AGBL1: variants seen among roughly 807,000 people sequenced by gnomAD.
The protein encoded by AGBL1 is AGBL carboxypeptidase 1, also known as cytosolic carboxypeptidase 4.
AGBL1 carries 130 observed loss-of-function variants against 118.9 expected under a neutral mutation model. The observed-to-expected ratio is 1.09, with a 90% CI of 0.95 to 1.26. The LOEUF is 1.26. Ranked by LOEUF, AGBL1 falls within the 50% of genes most tolerant of loss-of-function variation. The pLI is 0.00. For synonymous variants in AGBL1, 555 were observed against 478.9 expected (o/e 1.16, Z -2.08); for missense variants, 1,584 against 1,298.1 (o/e 1.22, Z -3.38).
intron 22 of AGBL1, among the ~76,000 whole-genome samples, chr15:86,726,372 C>A (rs1007309848): frequency 3.3e-5 from 5 of 152,156 alleles, no homozygotes; most frequent in Non-Finnish European, 1.5e-5. Context: ...ACCTCAGAGT[C>A]AGGCATAACT....
chr15:86,086,390 G>A (rs1244016398), intron 1 of AGBL1: 1 of 152,152 alleles, frequency 6.6e-6, no homozygotes, highest in African/African-American at 2.4e-5. Flanking sequence ...TAAAGAAAGT[G>A]GAGGGTTTGT....
At chr15:86,700,095 A>C (rs4887499) in intron 22 of AGBL1, among the ~76,000 whole-genome samples, 4 of 151,588 alleles carry the variant, frequency 2.6e-5, no homozygotes, top group African/African-American at 7.3e-5. Flanking sequence ...TATGGATTCA[A>C]GGATTACTCT....
chr15:86,249,196 G>A (rs1419984568), intron 7 of AGBL1, among the ~76,000 whole-genome samples: 2 of 152,034 alleles, frequency 1.3e-5, no homozygotes, highest in Non-Finnish European at 2.9e-5. Flanking sequence ...TGGGGCCAAG[G>A]CAGCCATGTT....
intron 17 of AGBL1, among the ~76,000 whole-genome samples, chr15:86,322,780 G>A (rs1228429695): frequency 6.6e-6 from 1 of 152,156 alleles, no homozygotes; most frequent in African/African-American, 2.4e-5. Flanking sequence ...CATTAGTAGT[G>A]TGCATTTGTA....
intron 22 of AGBL1, among the ~76,000 whole-genome samples, chr15:86,899,813 T>C (rs192468855): frequency 6.4e-4 from 98 of 152,238 alleles, no homozygotes; most frequent in African/African-American, 2.2e-3. Flanking sequence ...GTTAACTTGA[T>C]TGGATTGAAG....
At position 86,565,148 on chromosome 15, in the gene AGBL1, G is replaced by C. The variant is rs536073416; in HGVS notation, c.2994+10611G>C. Among the ~76,000 whole-genome samples the C allele has an allele frequency of 2.6e-5, 4 of 152,352 alleles. No individual in the cohort carries two copies. In the East Asian group the frequency reaches 7.7e-4, roughly 29 times the overall value. ...TCTCAAATCGTCAAAGTCATTCTCTGTCCAGCTTTGTTCCATTGCTGGCGA... is the reference window on the plus strand; with the variant it reads ...TCTCAAATCGTCAAAGTCATTCTCTCTCCAGCTTTGTTCCATTGCTGGCGA... On this transcript the variant is annotated intron_variant, in intron 21 of 22. Coordinates refer to ENST00000614907, the MANE Select transcript of AGBL1 (RefSeq NM_001386094.1).
chr15:86,646,745 C>CTTG (rs1357683491), intron 21 of AGBL1, among the ~76,000 whole-genome samples: 1 of 152,126 alleles, frequency 6.6e-6, no homozygotes, highest in African/African-American at 2.4e-5. Flanking sequence ...GTCCTATGAC[C>CTTG]TTGATCACAT....
At chr15:86,680,548 C>G (rs1338835213) in intron 22 of AGBL1, among the ~76,000 whole-genome samples, 1 of 127,016 alleles carries the variant, frequency 7.9e-6, no homozygotes, top group Non-Finnish European at 1.7e-5. Flanking sequence ...TTTCTTTTTT[C>G]TTTCTTTCTT....
intron 22 of AGBL1, among the ~76,000 whole-genome samples, chr15:86,887,341 C>T (rs967504618): frequency 6.6e-6 from 1 of 152,144 alleles, no homozygotes; most frequent in African/African-American, 2.4e-5. Context: ...TTATAGACCT[C>T]AATTCTAAGG....
chr15:86,582,845 A>G (rs2084189685), intron 21 of AGBL1, among the ~76,000 whole-genome samples: 1 of 130,498 alleles, frequency 7.7e-6, no homozygotes, highest in Admixed American at 8.4e-5. Flanking sequence ...GGAACATCAC[A>G]CACCGGAGAC....
At chr15:86,485,880 C>A (rs1038895470) in intron 18 of AGBL1, among the ~76,000 whole-genome samples, 1 of 152,098 alleles carries the variant, frequency 6.6e-6, no homozygotes, top group African/African-American at 2.4e-5. Flanking sequence ...TGAAATCACA[C>A]CCAAAGCTCT....
chr15:86,674,049 A>T (rs1288819934), intron 21 of AGBL1, among the ~76,000 whole-genome samples: 1 of 152,056 alleles, frequency 6.6e-6, no homozygotes, highest in African/African-American at 2.4e-5. Context: ...CATTATTGTC[A>T]TGGGGGTACT....
At position 86,224,911 on chromosome 15, in the gene AGBL1, C is replaced by T. The variant is rs767451492; in HGVS notation, c.489-3C>T. On this transcript the variant is annotated splice_region_variant and splice_polypyrimidine_tract_variant and intron_variant, in intron 5 of 22. Coordinates refer to ENST00000614907, the MANE Select transcript of AGBL1 (RefSeq NM_001386094.1). Reference sequence around the variant, plus strand: ...ACTGTTACTTTTCTTTCTCTTTCCCCAGGGCAGCCACTGAAGTTTTGGCAG... The same window carrying T: ...ACTGTTACTTTTCTTTCTCTTTCCCTAGGGCAGCCACTGAAGTTTTGGCAG... 4.9e-5 allele frequency: 79 copies of T among 1,613,328 alleles called. No homozygotes were observed. The highest frequency in any genetic ancestry group is 2.0e-4 in the Admixed American group (12 of 59,944).
At chr15:86,607,048 T>C (rs1248698176) in intron 21 of AGBL1, among the ~76,000 whole-genome samples, 1 of 152,146 alleles carries the variant, frequency 6.6e-6, no homozygotes, top group Non-Finnish European at 1.5e-5. Context: ...GAATGTCATA[T>C]AGTTGGAATG....
At chr15:86,995,098 G>A (rs2081368236) in intron 24 of AGBL1, among the ~76,000 whole-genome samples, 2 of 152,210 alleles carry the variant, frequency 1.3e-5, no homozygotes, top group Admixed American at 6.5e-5. Context: ...TTTAAAATAA[G>A]GGTACTGGGC....
At chr15:86,413,571 T>A (rs1212325465) in intron 18 of AGBL1, among the ~76,000 whole-genome samples, 1 of 152,148 alleles carries the variant, frequency 6.6e-6, no homozygotes, top group Non-Finnish European at 1.5e-5. Flanking sequence ...CCATTCTGAA[T>A]GGTATAAGAT....
chr15:86,667,678 C>G (rs993490083), intron 21 of AGBL1, among the ~76,000 whole-genome samples: 1 of 152,038 alleles, frequency 6.6e-6, no homozygotes, highest in African/African-American at 2.4e-5. Context: ...TTTCTTCCTT[C>G]TCCTCATCCT....
chr15:86,168,722 T>C (rs994461162), intron 5 of AGBL1, among the ~76,000 whole-genome samples: 7 of 152,192 alleles, frequency 4.6e-5, no homozygotes, highest in Non-Finnish European at 1.0e-4. Context: ...CAGAGTGATA[T>C]AATCTACATT....
At chr15:86,457,607 G>T (rs181526202) in intron 18 of AGBL1, among the ~76,000 whole-genome samples, 1 of 152,164 alleles carries the variant, frequency 6.6e-6, no homozygotes, top group Admixed American at 6.5e-5. Flanking sequence ...TTCATATCTT[G>T]TAGAAAGATT....
Sources: allele counts gnomAD v4.1 joint callset (sites outside exome capture counted in the v4.1 genomes callset), GRCh38; gene constraint gnomAD v4.1.1; transcripts MANE v1.5; gene names NCBI Gene and HGNC (gene_info 2026-07-23, HGNC 2026-07-21).